SMAP1: variants seen among roughly 807,000 people sequenced by gnomAD.
The protein encoded by SMAP1 is stromal membrane-associated protein 1.
A neutral mutation model predicts 58.5 loss-of-function variants in SMAP1; 24 were observed. The observed-to-expected ratio is 0.41, with a 90% CI of 0.30 to 0.58. SMAP1 has a LOEUF of 0.58. Among genes scored for constraint, SMAP1 ranks in the 20% least tolerant of loss-of-function variants. SMAP1 has a pLI of 0.29. For synonymous variants in SMAP1, 216 were observed against 196.6 expected (o/e 1.10, Z -0.82); for missense variants, 563 against 566.3 (o/e 0.99, Z 0.06).
At chr6:70,673,660 C>G (rs544948509) in intron 1 of SMAP1, among the ~76,000 whole-genome samples, 5 of 152,322 alleles carry the variant, frequency 3.3e-5, no homozygotes, top group African/African-American at 1.2e-4. Flanking sequence ...AAGTGAAAGT[C>G]TGATTATAAT....
intron 4 of SMAP1, among the ~76,000 whole-genome samples, chr6:70,788,931 G>A (rs959454949): frequency 6.6e-6 from 1 of 152,180 alleles, no homozygotes; most frequent in Non-Finnish European, 1.5e-5. Context: ...AAGGAGACCA[G>A]TTAGGAGGAC....
At chr6:70,697,820 C>T (rs1767471974) in intron 1 of SMAP1, among the ~76,000 whole-genome samples, 1 of 152,114 alleles carries the variant, frequency 6.6e-6, no homozygotes, top group Admixed American at 6.6e-5. Context: ...TAACTTCATC[C>T]CCCACACTTC....
At chr6:70,703,667 C>T (rs1320661234) in intron 1 of SMAP1, among the ~76,000 whole-genome samples, 1 of 152,164 alleles carries the variant, frequency 6.6e-6, no homozygotes, top group Non-Finnish European at 1.5e-5. Flanking sequence ...TCCCTACCTT[C>T]TGTAGTTTCC....
intron 4 of SMAP1, among the ~76,000 whole-genome samples, chr6:70,791,207 T>A (rs1313731732): frequency 1.3e-5 from 2 of 152,238 alleles, no homozygotes; most frequent in Non-Finnish European, 2.9e-5. Context: ...CTTAAACAGT[T>A]GATTAAAATT....
At chr6:70,801,500 C>T (rs1350856300) in intron 6 of SMAP1, among the ~76,000 whole-genome samples, 1 of 152,132 alleles carries the variant, frequency 6.6e-6, no homozygotes, top group African/African-American at 2.4e-5. Flanking sequence ...TTTTGCCATG[C>T]AGAAGCTTTT....
intron 1 of SMAP1, among the ~76,000 whole-genome samples, chr6:70,698,633 C>G (rs1000276305): frequency 8.5e-5 from 13 of 152,152 alleles, no homozygotes; most frequent in Non-Finnish European, 7.3e-5. Context: ...CTGCTTCAAG[C>G]TTACGAATTA....
Position 70,667,939 on chromosome 6 carries a change from G to A in SMAP1, c.-85G>A. The stretch of plus-strand genomic sequence containing the variant: ...GGCTGAGTCCGCCCGCGGTCCCGGC[G>A]GCGCCAGGTGCGTTCACTCTGCCCG... On this transcript the variant is annotated 5_prime_UTR_variant, in exon 1 of 11. Transcript: ENST00000370455. The A allele has an allele frequency of 3.3e-6, 4 of 1,202,800 alleles. No homozygotes were observed. The highest frequency in any genetic ancestry group is 3.5e-6 in the Non-Finnish European group (3 of 868,564). The allele number at this position is 1,202,800 out of a possible 1,614,324, so 74.5% of individuals were successfully genotyped here.
At chr6:70,707,198 C>T (rs928489208) in intron 1 of SMAP1, among the ~76,000 whole-genome samples, 1 of 152,242 alleles carries the variant, frequency 6.6e-6, no homozygotes, top group South Asian at 2.1e-4. Context: ...AAGCATGGAA[C>T]ATTTGAGCTT....
intron 6 of SMAP1, among the ~76,000 whole-genome samples, chr6:70,802,389 A>T (rs1283946425): frequency 6.6e-6 from 1 of 152,224 alleles, no homozygotes; most frequent in African/African-American, 2.4e-5. Context: ...GTTGCTTATC[A>T]GCTTAAGGAG....
chr6:70,765,070 G>A (rs564365040), intron 3 of SMAP1, among the ~76,000 whole-genome samples: 1 of 152,262 alleles, frequency 6.6e-6, no homozygotes, highest in Admixed American at 6.5e-5. Context: ...CAAAGTGCTG[G>A]GATTACAGGC....
intron 9 of SMAP1, 117 bp downstream of exon 9, chr6:70,857,147 T>C: frequency 9.5e-7 from 1 of 1,054,160 alleles, no homozygotes; most frequent in Non-Finnish European, 1.3e-6. Context: ...CTTTTGTTGT[T>C]GCAGTTTATA....
At chr6:70,848,388 A>G (rs147145476) in intron 7 of SMAP1, among the ~76,000 whole-genome samples, 3 of 152,346 alleles carry the variant, frequency 2.0e-5, no homozygotes, top group Non-Finnish European at 4.4e-5. Context: ...TCTCAAACTT[A>G]GTACAAATAA....
At chr6:70,730,112 C>T (rs1215166099) in intron 1 of SMAP1, among the ~76,000 whole-genome samples, 2 of 152,114 alleles carry the variant, frequency 1.3e-5, no homozygotes, top group Non-Finnish European at 2.9e-5. Flanking sequence ...TGCGGTGGTA[C>T]CACCATAGCT....
rs1011422473 is a variant in SMAP1, at chr6:70,805,582, G to T, written c.576+6845G>T. On this transcript the variant is annotated intron_variant, in intron 6 of 10. Coordinates refer to ENST00000370455, the MANE Select transcript of SMAP1 (RefSeq NM_001044305.3). Reference sequence around the variant, plus strand: ...TGTGATGCTTTGGAAGAGAAGAGGGGCTCTGGTTTTATAATTTTCAGCTTT... The same window carrying T: ...TGTGATGCTTTGGAAGAGAAGAGGGTCTCTGGTTTTATAATTTTCAGCTTT... 1.5e-4 allele frequency among the ~76,000 whole-genome samples: 23 copies of T among 152,128 alleles called. 1 individual carries two copies. Among genetic ancestry groups the T allele is most frequent in the Admixed American group, 1.4e-3 (22 of 15,276 alleles).
intron 1 of SMAP1, among the ~76,000 whole-genome samples, chr6:70,693,541 A>T (rs532830874): frequency 4.0e-5 from 6 of 151,806 alleles, no homozygotes; most frequent in Admixed American, 1.3e-4. Context: ...TGACCTCATG[A>T]TCCGCCTGCC....
At chr6:70,748,996 T>A (rs1447616225) in intron 2 of SMAP1, among the ~76,000 whole-genome samples, 1 of 151,956 alleles carries the variant, frequency 6.6e-6, no homozygotes, top group Non-Finnish European at 1.5e-5. Flanking sequence ...GAAAATGGAG[T>A]AGAAGAAAAT....
At position 70,758,897 on chromosome 6, in the gene SMAP1, A is replaced by G. The variant is rs149362955; in HGVS notation, c.338+3832A>G. 2.7e-3 allele frequency among the ~76,000 whole-genome samples: 408 copies of G among 152,194 alleles called. 1 individual carries two copies. The highest frequency in any genetic ancestry group is 9.4e-3 in the African/African-American group (390 of 41,526). On this transcript the variant is annotated intron_variant, in intron 3 of 10. Transcript: ENST00000370455. ...GGATTAAGAGTTAGAAATGAAAGAT[A>G]ATGAGCCATGCTTTCTTACTTTGGG... is the stretch of plus-strand genomic sequence containing the variant.
chr6:70,740,678 T>TA (rs1169770331), intron 2 of SMAP1, among the ~76,000 whole-genome samples: 9 of 152,194 alleles, frequency 5.9e-5, no homozygotes, highest in African/African-American at 2.2e-4. Flanking sequence ...TGAGAGTTTG[T>TA]AGGGGCTAGA....
intron 7 of SMAP1, among the ~76,000 whole-genome samples, chr6:70,837,424 A>G (rs1453890365): frequency 6.6e-6 from 1 of 152,068 alleles, no homozygotes. Context: ...CTTATTGTAA[A>G]ATACGTTGGT....
Sources: allele counts gnomAD v4.1 joint callset (sites outside exome capture counted in the v4.1 genomes callset), GRCh38; gene constraint gnomAD v4.1.1; transcripts MANE v1.5; gene names NCBI Gene and HGNC (gene_info 2026-07-23, HGNC 2026-07-21).